Variants in HEG1 observed in about 807,000 individuals in gnomAD.
HEG1 encodes protein HEG homolog 1.
Under a neutral mutation model 125.6 loss-of-function variants are expected in HEG1, and 56 were observed. The ratio of observed to expected loss-of-function variants is 0.45; its 90% confidence interval spans 0.36 to 0.56. HEG1 has a LOEUF of 0.56. Ranked by LOEUF, HEG1 falls within the 20% of genes least tolerant of loss-of-function variation. The probability of loss-of-function intolerance (pLI) is 0.00; values close to 1 mark genes in which losing one functional copy is unlikely to be tolerated. For missense variants in HEG1, 1,523 were observed against 1,670.0 expected (o/e 0.91, Z 1.53); for synonymous variants, 644 against 668.5 (o/e 0.96, Z 0.57).
At chr3:125,047,015 G>A (rs1216761593) in intron 1 of HEG1, among the ~76,000 whole-genome samples, 1 of 152,214 alleles carries the variant, frequency 6.6e-6, no homozygotes, top group Non-Finnish European at 1.5e-5. Flanking sequence ...ATAGGTGAGG[G>A]CTGTTGCACT....
chr3:124,975,280 TC>T (rs1430026707), intron 15 of HEG1, among the ~76,000 whole-genome samples: 1 of 152,116 alleles, frequency 6.6e-6, no homozygotes, highest in African/African-American at 2.4e-5. Context: ...TTTGGGAGGT[TC>T]CCCCCATCTG....
At chr3:125,002,091 G>A (rs563560105) in intron 10 of HEG1, 79 bp from the exon 11 acceptor site, 27 of 1,560,422 alleles carry the variant, frequency 1.7e-5, no homozygotes, top group African/African-American at 4.1e-5. Flanking sequence ...GAATGTCATC[G>A]CCATTCACCA....
chr3:125,032,446 G>A (rs1403656025), intron 1 of HEG1, among the ~76,000 whole-genome samples: 1 of 152,162 alleles, frequency 6.6e-6, no homozygotes, highest in Non-Finnish European at 1.5e-5. Context: ...CATGCCTCTG[G>A]GCTCCTCTGG....
At chr3:124,989,335 A>C (rs1936791992) in intron 14 of HEG1, among the ~76,000 whole-genome samples, 1 of 152,244 alleles carries the variant, frequency 6.6e-6, no homozygotes, top group Non-Finnish European at 1.5e-5. Context: ...TGGGGAATAG[A>C]AACTGGGGGC....
At chr3:124,978,907 AT>A (rs1936600275) in intron 14 of HEG1, among the ~76,000 whole-genome samples, 1 of 151,358 alleles carries the variant, frequency 6.6e-6, no homozygotes, top group African/African-American at 2.4e-5. Flanking sequence ...GTGTTGTTTA[AT>A]TTTTTGAGTT....
intron 14 of HEG1, among the ~76,000 whole-genome samples, chr3:124,978,506 C>T (rs1936588146): frequency 6.6e-6 from 1 of 152,200 alleles, no homozygotes; most frequent in Middle Eastern, 3.4e-3. Context: ...TACCTGTGCA[C>T]CAGCCCCGAT....
Position 124,981,186 on chromosome 3 carries a change from C to T in HEG1, c.3734-3240G>A, listed in dbSNP as rs551382702. On this transcript the variant is annotated intron_variant, in intron 14 of 16. Transcript: ENST00000311127. ...AAAATAAAGTCGCATGTGCTCCTCC[C>T]CTCATCTGTCCCCACAGGCACCAAC... Among the ~76,000 whole-genome samples, 4 of 151,534 alleles carry T rather than the reference C, an allele frequency of 2.6e-5. No individual in the cohort carries two copies. The South Asian group carries it at 8.3e-4, about 32-fold the overall frequency.
At chr3:125,016,544 G>A (rs542572992) in intron 5 of HEG1, among the ~76,000 whole-genome samples, 9 of 152,266 alleles carry the variant, frequency 5.9e-5, no homozygotes, top group Non-Finnish European at 1.2e-4. Context: ...CAGTAGTGAG[G>A]GTGAAAAATG....
chr3:125,021,047 T>C lies in HEG1; in HGVS notation c.997A>G (p.Thr333Ala), dbSNP rs577052223. The change falls in exon 4 of 17, where the codon ACC becomes GCC. Residue 333 changes from threonine to alanine, a missense_variant. Transcript: ENST00000311127. ...CTCGGGCCACCATCAGTGAACACGG[T>C]GGCAACATGCATTGTCTTTGTTTGA... is the stretch of plus-strand genomic sequence containing the variant. ...VSQTKTMHVA[T>A]VFTDGGPRTL... The C allele has an allele frequency of 5.0e-6, 8 of 1,611,376 alleles. No homozygotes were observed. The East Asian group carries it at 1.8e-4, about 36-fold the overall frequency.
At chr3:125,020,481 T>C (rs1237804222) in intron 4 of HEG1, among the ~76,000 whole-genome samples, 1 of 151,992 alleles carries the variant, frequency 6.6e-6, no homozygotes, top group African/African-American at 2.4e-5. Context: ...GACCATCCTG[T>C]AGAGTGAAAA....
At chr3:125,002,337 TC>T in intron 9 of HEG1, 22 bp from the exon 10 acceptor site, 1 of 1,604,542 alleles carries the variant, frequency 6.2e-7, no homozygotes, top group Non-Finnish European at 8.5e-7. Context: ...AACAAGCCTG[TC>T]GTTAACAGTG....
At chr3:125,011,258 T>A (rs796553460) in intron 6 of HEG1, among the ~76,000 whole-genome samples, 95 of 145,556 alleles carry the variant, frequency 6.5e-4, no homozygotes, top group African/African-American at 2.4e-3. Context: ...AAAAAAAAAA[T>A]AGTAACCCTG....
chr3:125,055,372 G>T (rs551981576), intron 1 of HEG1, among the ~76,000 whole-genome samples: 52 of 152,266 alleles, frequency 3.4e-4, no homozygotes, highest in African/African-American at 1.2e-3. Context: ...GAGGAGAACG[G>T]GATAGTCACA....
intron 3 of HEG1, among the ~76,000 whole-genome samples, chr3:125,021,616 G>A (rs1937336763): frequency 1.3e-5 from 2 of 152,210 alleles, no homozygotes; most frequent in Non-Finnish European, 2.9e-5. Flanking sequence ...TCACTGTTGA[G>A]GAGGCCGAGG....
chr3:125,047,659 G>A (rs1001956807), intron 1 of HEG1, among the ~76,000 whole-genome samples: 2 of 152,160 alleles, frequency 1.3e-5, no homozygotes, highest in Non-Finnish European at 2.9e-5. Context: ...AGTGAAACCC[G>A]TCCCCAAGTT....
Position 125,055,868 on chromosome 3 carries a change from C to G in HEG1, c.23G>C (p.Arg8Pro), listed in dbSNP as rs1166200745. 2 of 982,668 alleles carry G rather than the reference C, an allele frequency of 2.0e-6. No individual in the cohort carries two copies. The highest frequency in any genetic ancestry group is 2.4e-6 in the Non-Finnish European group (2 of 829,260). 60.9% of individuals were successfully genotyped at this position (982,668 alleles called of 1,614,324 possible). A position where few individuals can be genotyped will look rare whatever the true frequency, so the allele number is the denominator to read the frequency against. Residue 8 changes from arginine to proline, a missense_variant, in exon 1 of 17, where the codon CGG becomes CCG. Coordinates refer to ENST00000311127, the MANE Select transcript of HEG1 (RefSeq NM_020733.2). MASPRAS[R>P]WPPPLLLLLL... ...CAGCAGCAGGAGCGGCGGCGGCCAC[C>G]GCGAGGCGCGCGGCGAGGCCATGGT...
Position 125,020,910 on chromosome 3 carries a change from T to C in HEG1, c.1134A>G (p.Ala378=), listed in dbSNP as rs1937325234. The C allele has an allele frequency of 6.2e-7, 1 of 1,614,028 alleles. No individual in the cohort carries two copies. The highest frequency in any genetic ancestry group is 8.5e-7 in the Non-Finnish European group (1 of 1,179,894). Residue 378 remains alanine (A), a synonymous_variant, in exon 4 of 17, where the codon GCA becomes GCG. Coordinates refer to ENST00000311127, the MANE Select transcript of HEG1 (RefSeq NM_020733.2). ...TSSSVLLSPS[A]VESRRNSRVT... ...CTCTACTGTTTCTTCTCGATTCCAC[T>C]GCAGAGGGTGAAAGAAGGACTGAGG...
At chr3:124,997,475 T>C (rs1361807332) in intron 12 of HEG1, among the ~76,000 whole-genome samples, 1 of 152,270 alleles carries the variant, frequency 6.6e-6, no homozygotes. Flanking sequence ...TTGAATTTAA[T>C]TGGCCAGACC....
intron 9 of HEG1, among the ~76,000 whole-genome samples, chr3:125,003,177 C>T (rs4287948): frequency 0.3 from 45,997 of 152,066 alleles, 8,495 homozygotes; most frequent in South Asian, 0.42. Flanking sequence ...CAGAACACCT[C>T]GGGAAAGAAC....
Sources: allele counts gnomAD v4.1 joint callset (sites outside exome capture counted in the v4.1 genomes callset), GRCh38; gene constraint gnomAD v4.1.1; transcripts MANE v1.5; gene names NCBI Gene and HGNC (gene_info 2026-07-23, HGNC 2026-07-21).